The following RANBP3L variants were observed in gnomAD, a reference collection of about 807,000 sequenced individuals.
The protein encoded by RANBP3L is ran-binding protein 3-like.
A neutral mutation model predicts 67.2 loss-of-function variants in RANBP3L; 56 were observed. That is an observed-to-expected ratio of 0.83 (90% CI 0.67 to 1.04). RANBP3L has a LOEUF of 1.04. Ranked by LOEUF, RANBP3L falls within the 50% of genes least tolerant of loss-of-function variation. RANBP3L has a pLI of 0.00. For missense variants in RANBP3L, 496 were observed against 535.5 expected (o/e 0.93, Z 0.73); for synonymous variants, 164 against 181.4 (o/e 0.90, Z 0.77).
rs377029015 is a variant in RANBP3L, at chr5:36,277,422, C to CTCTCTA, written c.92-6112_92-6111insTAGAGA. On this transcript the variant is annotated intron_variant, in intron 1 of 13. Transcript: ENST00000296604. ...CATCTCTCTCTCTCTCTCTCTCTCTCTATATATATATATATATATGTGTGT... is the reference window on the plus strand; with the variant it reads ...CATCTCTCTCTCTCTCTCTCTCTCTCTCTCTATATATATATATATATATATGTGTGT... 3.5e-4 allele frequency among the ~76,000 whole-genome samples: 40 copies of CTCTCTA among 115,282 alleles called. 1 individual carries two copies. The highest frequency in any genetic ancestry group is 5.4e-4 in the Admixed American group (6 of 11,154). 75.6% of individuals were successfully genotyped at this position (115,282 alleles called of 152,430 possible). A position where few individuals can be genotyped will look rare whatever the true frequency, so the allele number is the denominator to read the frequency against.
In RANBP3L at chr5:36,253,596, C is replaced by A. The variant is rs766413170; in HGVS notation, c.1167+51G>T. On this transcript the variant is annotated intron_variant, in intron 12 of 13. Coordinates refer to ENST00000296604, the MANE Select transcript of RANBP3L (RefSeq NM_145000.5). ...GAAAAAACAAATTAGTAATTGCAGACGTCTATTAATTTAGTAGGATAATCT... is the reference window on the plus strand; with the variant it reads ...GAAAAAACAAATTAGTAATTGCAGAAGTCTATTAATTTAGTAGGATAATCT... 3 of 1,441,586 alleles carry A rather than the reference C, an allele frequency of 2.1e-6. No homozygotes were observed. The Admixed American group carries it at 5.2e-5, about 25-fold the overall frequency. 89.3% of individuals were successfully genotyped at this position (1,441,586 alleles called of 1,614,324 possible). A position where few individuals can be genotyped will look rare whatever the true frequency, so the allele number is the denominator to read the frequency against.
intron 1 of RANBP3L, among the ~76,000 whole-genome samples, chr5:36,276,492 G>A (rs1750576256): frequency 8.6e-6 from 1 of 115,724 alleles, no homozygotes. Flanking sequence ...GTATGTATAG[G>A]GGAAAAAAAA....
intron 1 of RANBP3L, among the ~76,000 whole-genome samples, chr5:36,276,650 T>C (rs545796108): frequency 5.8e-4 from 89 of 152,260 alleles, no homozygotes; most frequent in African/African-American, 2.0e-3. Flanking sequence ...TTATAAGGTG[T>C]CCCTACCTTT....
At chr5:36,257,103 G>T (rs1467954829) in intron 9 of RANBP3L, 32 bp from the exon 10 acceptor site, 2 of 1,584,762 alleles carry the variant, frequency 1.3e-6, no homozygotes, top group Admixed American at 1.7e-5. Context: ...ACACTTAAAA[G>T]TCCCCATTTT....
chr5:36,268,377 T>A (rs1246420462), intron 4 of RANBP3L: 1 of 579,806 alleles, frequency 1.7e-6, no homozygotes, highest in East Asian at 3.2e-5. Context: ...TTTAGAAAAA[T>A]CTTTTTATTT....
chr5:36,291,044 C>G (rs945567457), intron 1 of RANBP3L, among the ~76,000 whole-genome samples: 2 of 151,640 alleles, frequency 1.3e-5, no homozygotes, highest in African/African-American at 4.8e-5. Flanking sequence ...ATGCCTGGCC[C>G]GGCTTTTTTG....
At chr5:36,288,278 A>T (rs915885097) in intron 1 of RANBP3L, among the ~76,000 whole-genome samples, 2 of 152,106 alleles carry the variant, frequency 1.3e-5, no homozygotes, top group Admixed American at 1.3e-4. Context: ...AACATTTCTG[A>T]GATTCACCTA....
intron 5 of RANBP3L, 100 bp downstream of exon 5, chr5:36,265,349 C>A: frequency 1.3e-6 from 1 of 797,170 alleles, no homozygotes; most frequent in South Asian, 1.9e-5. Flanking sequence ...GTCACTCTGA[C>A]CTACCTCCAT....
At chr5:36,275,614 G>A (rs939460860) in intron 1 of RANBP3L, among the ~76,000 whole-genome samples, 7 of 152,114 alleles carry the variant, frequency 4.6e-5, no homozygotes, top group Admixed American at 3.3e-4. Context: ...GGTTTTCTTG[G>A]TGTAGGGGAG....
chr5:36,284,378 T>A (rs1422315837), intron 1 of RANBP3L, among the ~76,000 whole-genome samples: 2 of 152,168 alleles, frequency 1.3e-5, no homozygotes, highest in African/African-American at 4.8e-5. Flanking sequence ...CTTTTGAATA[T>A]TTTGCTAGAT....
At chr5:36,295,040 G>T (rs1013611401) in intron 1 of RANBP3L, among the ~76,000 whole-genome samples, 1 of 151,564 alleles carries the variant, frequency 6.6e-6, no homozygotes, top group African/African-American at 2.4e-5. Flanking sequence ...GTGGAGATTT[G>T]TTTGTTTCCA....
intron 6 of RANBP3L, 144 bp downstream of exon 6, chr5:36,264,815 A>T: frequency 2.9e-6 from 2 of 689,712 alleles, no homozygotes; most frequent in Non-Finnish European, 5.0e-6. Context: ...AACTTTGAAA[A>T]GTTTACCAAG....
At chr5:36,287,600 A>G (rs1461220072) in intron 1 of RANBP3L, among the ~76,000 whole-genome samples, 1 of 152,210 alleles carries the variant, frequency 6.6e-6, no homozygotes, top group Admixed American at 6.5e-5. Flanking sequence ...AAAGAAAATT[A>G]AGATAAATCG....
chr5:36,266,625 G>A (rs1291582071), intron 4 of RANBP3L, among the ~76,000 whole-genome samples: 1 of 152,110 alleles, frequency 6.6e-6, no homozygotes, highest in Non-Finnish European at 1.5e-5. Context: ...TTTTGTGTGA[G>A]TGTCCAGTAA....
In RANBP3L at chr5:36,256,916, A is replaced by G. The variant is rs16902871; in HGVS notation, c.903+25T>C. ...ATTCCAAGTATGTAAATGCTACCAG[A>G]AAGAGTAAAACATGATATACAGACC... On this transcript the variant is annotated intron_variant, in intron 10 of 13. Coordinates refer to ENST00000296604, the MANE Select transcript of RANBP3L (RefSeq NM_145000.5). 11,617 of 1,589,644 alleles carry G rather than the reference A, an allele frequency of 7.3e-3. 775 individuals are homozygous for G. The East Asian group carries it at 0.16, about 21-fold the overall frequency.
chr5:36,250,279 A>T (rs1243636435), intron 13 of RANBP3L, among the ~76,000 whole-genome samples: 1 of 151,966 alleles, frequency 6.6e-6, no homozygotes, highest in Non-Finnish European at 1.5e-5. Flanking sequence ...TATATGTTTT[A>T]AAGACTAATA....
At chr5:36,269,572 A>G (rs1750066452) in intron 3 of RANBP3L, 105 bp from the exon 4 acceptor site, 1 of 715,062 alleles carries the variant, frequency 1.4e-6, no homozygotes, top group South Asian at 1.7e-5. Context: ...TACACAGACC[A>G]TCATTTGATA....
chr5:36,265,551 A>G, intron 4 of RANBP3L, 31 bp from the exon 5 acceptor site: 3 of 1,331,672 alleles, frequency 2.3e-6, no homozygotes, highest in Non-Finnish European at 3.2e-6. Context: ...ATTTTTTTAA[A>G]TACAGAAGAG....
intron 1 of RANBP3L, among the ~76,000 whole-genome samples, chr5:36,282,196 T>G (rs1390342953): frequency 6.6e-6 from 1 of 152,190 alleles, no homozygotes; most frequent in Non-Finnish European, 1.5e-5. Context: ...ATGTTAAAAA[T>G]GGGTCTCTGC....
Sources: gnomAD v4.1 joint callset for allele counts (sites outside exome capture counted in the v4.1 genomes callset) on GRCh38, gnomAD v4.1.1 for gene constraint, MANE v1.5 for transcripts, NCBI Gene and HGNC (gene_info 2026-07-23, HGNC 2026-07-21) for gene names.